Variants in COL6A6 observed in about 807,000 individuals in gnomAD.
The protein encoded by COL6A6 is collagen type VI alpha 6 chain, also known as collagen alpha-6(VI) chain.
In COL6A6, 183 loss-of-function variants were observed where a neutral mutation model predicts 208.6. That is an observed-to-expected ratio of 0.88 (90% CI 0.78 to 0.99). The LOEUF (loss-of-function observed/expected upper bound fraction) is 0.99, where lower values mean the gene tolerates loss of function less well. COL6A6 is among the 50% of genes least tolerant of loss of function. The pLI is 0.00. For missense variants in COL6A6, 2,816 were observed against 2,815.2 expected, an observed-to-expected ratio of 1.00 and a Z score of -0.01; for synonymous variants, 973 against 1,011.8, an observed-to-expected ratio of 0.96 and a Z score of 0.73.
chr3:130,578,628 G>T (rs867100465), intron 8 of COL6A6, among the ~76,000 whole-genome samples: 1 of 151,992 alleles, frequency 6.6e-6, no homozygotes, highest in Admixed American at 6.6e-5. Flanking sequence ...GGATTTACCT[G>T]CCAATTGCTT....
intron 27 of COL6A6, 43 bp from the exon 28 acceptor site, chr3:130,635,656 T>C (rs753684826): frequency 1.6e-6 from 2 of 1,271,966 alleles, no homozygotes; most frequent in South Asian, 1.3e-5. Context: ...CATATGTATA[T>C]GTTTGATTTT....
chr3:130,643,379 A>C (rs1576384791), intron 31 of COL6A6, among the ~76,000 whole-genome samples: 1 of 152,194 alleles, frequency 6.6e-6, no homozygotes, highest in Non-Finnish European at 1.5e-5. Context: ...AATTGAATTC[A>C]CCTGGCATGA....
chr3:130,590,810 G>T (rs1401988138), intron 12 of COL6A6, among the ~76,000 whole-genome samples: 1 of 151,550 alleles, frequency 6.6e-6, no homozygotes, highest in Non-Finnish European at 1.5e-5. Flanking sequence ...CTCTTGATCC[G>T]CCCGCCTGGG....
Position 130,565,059 on chromosome 3 carries a change from G to A in COL6A6, c.727G>A (p.Glu243Lys). ...GGATATGTCAATCAATGGAAGTGAG[G>A]AGAACTTTGACTATCTTAAAGGATT... Reference protein sequence around the residue: ...LLDMSINGSEENFDYLKGFLE... With the variant: ...LLDMSINGSEKNFDYLKGFLE... Residue 243 changes from glutamate (E) to lysine (K), a missense_variant, in exon 4 of 37, where the codon GAG becomes AAG. Physicochemically the swap from Glu to Lys is moderately conservative, Grantham distance 56. Transcript: ENST00000358511. 2 of 1,613,984 alleles carry A rather than the reference G, an allele frequency of 1.2e-6. No individual in the cohort carries two copies. Among genetic ancestry groups the A allele is most frequent in the Non-Finnish European group, 1.7e-6 (2 of 1,179,852 alleles).
intron 1 of COL6A6, among the ~76,000 whole-genome samples, chr3:130,517,700 C>T (rs567310457): frequency 1.6e-3 from 241 of 152,378 alleles, no homozygotes; most frequent in Non-Finnish European, 2.8e-3. Flanking sequence ...CGCACCAGGG[C>T]GCCTCCTGAG....
At chr3:130,520,487 A>G (rs1338133778) in intron 1 of COL6A6, among the ~76,000 whole-genome samples, 1 of 152,224 alleles carries the variant, frequency 6.6e-6, no homozygotes, top group African/African-American at 2.4e-5. Context: ...AGATTACCAC[A>G]TAAAAATAGA....
chr3:130,668,877 A>G (rs1056734391), intron 36 of COL6A6, among the ~76,000 whole-genome samples: 3 of 152,234 alleles, frequency 2.0e-5, no homozygotes, highest in African/African-American at 7.2e-5. Flanking sequence ...AGATGTAAAC[A>G]TAAGTAACAA....
At chr3:130,643,086 A>C (rs10934950) in intron 31 of COL6A6, 63 bp downstream of exon 31, 200,672 of 1,537,254 alleles carry the variant, frequency 0.13, 18,761 homozygotes, top group African/African-American at 0.46. Flanking sequence ...AAGCAGAGAA[A>C]CCTACACTCA....
At chr3:130,654,549 T>A (rs2065735728) in intron 33 of COL6A6, among the ~76,000 whole-genome samples, 1 of 152,222 alleles carries the variant, frequency 6.6e-6, no homozygotes, top group Admixed American at 6.5e-5. Flanking sequence ...AAAACCAATT[T>A]AAGCTAGCTT....
intron 36 of COL6A6, among the ~76,000 whole-genome samples, chr3:130,673,612 A>G (rs1223416044): frequency 1.3e-5 from 2 of 152,080 alleles, no homozygotes; most frequent in Admixed American, 6.6e-5. Context: ...TATGCATACA[A>G]TCGTCACTTT....
In COL6A6 at chr3:130,598,489, G is replaced by C. The variant is rs2063912276; in HGVS notation, c.4599+59G>C. The stretch of plus-strand genomic sequence containing the variant: ...CAACTGTGGGGCTTAAGTTCTTGTT[G>C]GTAGAATGTGAAATGCTTAACAAAA... On this transcript the variant is annotated intron_variant, in intron 19 of 36. Transcript: ENST00000358511. 7 of 1,198,820 alleles carry C rather than the reference G, an allele frequency of 5.8e-6. No individual in the cohort carries two copies. In the African/African-American group the frequency reaches 1.1e-4, roughly 18 times the overall value. 74.3% of individuals were successfully genotyped at this position (1,198,820 alleles called of 1,614,324 possible).
chr3:130,621,752 A>C, intron 23 of COL6A6, 69 bp from the exon 24 acceptor site: 1 of 1,344,448 alleles, frequency 7.4e-7, no homozygotes, highest in Non-Finnish European at 1.1e-6. Flanking sequence ...TTCCTCTTAT[A>C]AGACAGAGGG....
chr3:130,649,553 C>G lies in COL6A6; in HGVS notation c.5724C>G (p.Arg1908=). The part of the protein sequence containing the change: ...ITFSNVPSVR[R]AFAIDDTGTF... ...TCAGCAACGTGCCCTCGGTCAGGCG[C>G]GCATTTGCGGTATGAGGATGAAACC... Residue 1908 remains arginine (R), a synonymous_variant, in exon 33 of 37, where the codon CGC becomes CGG. Transcript: ENST00000358511. 6.3e-7 allele frequency: 1 copy of G among 1,586,154 alleles called. No individual in the cohort carries two copies. Among genetic ancestry groups the G allele is most frequent in the South Asian group, 1.1e-5 (1 of 87,844 alleles).
At chr3:130,565,769 G>C (rs1455627273) in intron 4 of COL6A6, among the ~76,000 whole-genome samples, 155 bp downstream of exon 4, 1 of 152,136 alleles carries the variant, frequency 6.6e-6, no homozygotes, top group Non-Finnish European at 1.5e-5. Context: ...AGCCTAATTT[G>C]GGGACAATAA....
intron 1 of COL6A6, among the ~76,000 whole-genome samples, chr3:130,519,717 A>G (rs1419296695): frequency 6.6e-6 from 1 of 152,174 alleles, no homozygotes; most frequent in African/African-American, 2.4e-5. Context: ...ACAGGGGTGT[A>G]TGGGGAAAAA....
intron 18 of COL6A6, among the ~76,000 whole-genome samples, chr3:130,595,875 G>A (rs2063837900): frequency 6.6e-6 from 1 of 152,142 alleles, no homozygotes. Context: ...TGTCTTTACA[G>A]TCAAATGGTT....
chr3:130,674,998 T>C (rs146683481), intron 36 of COL6A6, among the ~76,000 whole-genome samples: 1 of 152,316 alleles, frequency 6.6e-6, no homozygotes, highest in African/African-American at 2.4e-5. Flanking sequence ...AGTAATACTT[T>C]TGCATACTTT....
At chr3:130,666,229 T>C (rs1438784569) in intron 36 of COL6A6, among the ~76,000 whole-genome samples, 4 of 152,194 alleles carry the variant, frequency 2.6e-5, no homozygotes, top group Non-Finnish European at 4.4e-5. Flanking sequence ...AAAAAGCTAA[T>C]ATAAATGATA....
intron 2 of COL6A6, among the ~76,000 whole-genome samples, chr3:130,561,589 A>C (rs1185351890): frequency 6.7e-6 from 1 of 150,014 alleles, no homozygotes; most frequent in Non-Finnish European, 1.5e-5. Context: ...GATAATTGGA[A>C]TCTCAGAGTG....
Sources: gnomAD v4.1 joint callset for allele counts (sites outside exome capture counted in the v4.1 genomes callset) on GRCh38, gnomAD v4.1.1 for gene constraint, MANE v1.5 for transcripts, NCBI Gene and HGNC (gene_info 2026-07-23, HGNC 2026-07-21) for gene names.